Variants in DDX3X observed in about 807,000 individuals in gnomAD.
The protein encoded by DDX3X is DEAD-box helicase 3 X-linked, also known as ATP-dependent RNA helicase DDX3X.
DDX3X carries 4 observed loss-of-function variants against 52.7 expected under a neutral mutation model. That is an observed-to-expected ratio of 0.08 (90% CI 0.04 to 0.17). The LOEUF is 0.17. Among genes scored for constraint, DDX3X ranks in the 10% least tolerant of loss-of-function variants. The probability of loss-of-function intolerance (pLI) is 1.00; values close to 1 mark genes in which losing one functional copy is unlikely to be tolerated. For synonymous variants in DDX3X, 192 were observed against 178.1 expected, an observed-to-expected ratio of 1.08 and a Z score of -0.62; for missense variants, 222 against 548.6, an observed-to-expected ratio of 0.40 and a Z score of 5.95.
chrX:41,341,181 C>T (rs755977972), intron 3 of DDX3X: 6 of 192,506 alleles, frequency 3.1e-5, no homozygotes, highest in African/African-American at 1.5e-4. Context: ...GACGGGGTTT[C>T]TCCATGTTGG....
At position 41,349,648 on chromosome X, in the gene DDX3X, A is replaced by G. The variant is rs1403287060; in HGVS notation, c.*1929A>G. On this transcript the variant is annotated 3_prime_UTR_variant, in exon 17 of 17. Transcript: ENST00000644876. ...TGAATGTCACCGTATGCGTGAAATT[A>G]TATATTTCGGGGTAGTGTGAGCTTT... The G allele has an allele frequency of 8.9e-6, 1 of 112,347 alleles. No individual in the cohort carries two copies. Among genetic ancestry groups the G allele is most frequent in the Non-Finnish European group, 1.9e-5 (1 of 53,277 alleles). The allele number at this position is 112,347 out of a possible 1,213,427, so 9.3% of individuals were successfully genotyped here.
chrX:41,362,337 C>A (rs771576046), intron 5 of DDX3X, among the ~76,000 whole-genome samples: 41 of 110,930 alleles, frequency 3.7e-4, no homozygotes, highest in African/African-American at 1.1e-3. Context: ...AATCTGCCCG[C>A]CTTGGCCCCT....
Position 41,345,418 on chromosome X carries a change from T to C in DDX3X, c.1185T>C (p.Asp395=). The C allele has an allele frequency of 8.3e-7, 1 of 1,203,498 alleles. No individual in the cohort carries two copies. Among genetic ancestry groups the C allele is most frequent in the Non-Finnish European group, 1.1e-6 (1 of 893,117 alleles). ...FPKEIQMLAR[D]FLDEYIFLAV... ...TTTTCTTTCAGATGCTGGCTCGTGA[T>C]TTCTTAGATGAATATATCTTCTTGG... The change falls in exon 12 of 17, where the codon GAT becomes GAC. Residue 395 remains aspartate (D), a synonymous_variant. Coordinates refer to ENST00000644876, the MANE Select transcript of DDX3X (RefSeq NM_001356.5).
At chrX:41,342,946 AT>A (rs2147351122) in intron 6 of DDX3X, 110 bp downstream of exon 6, 6 of 666,479 alleles carry the variant, frequency 9.0e-6, no homozygotes, top group Admixed American at 3.3e-5. Context: ...GGCTTCATAG[AT>A]TTGTGGAAAA....
In DDX3X at chrX:41,345,562, T is replaced by G; in HGVS notation, c.1315+14T>G. 1 of 1,184,538 alleles carries G rather than the reference T, an allele frequency of 8.4e-7. No homozygotes were observed. Among genetic ancestry groups the G allele is most frequent in the Non-Finnish European group, 1.1e-6 (1 of 878,111 alleles). ...TAAATGCAACAGGTAACATTATGAA[T>G]TTTTTATTTTATTAGACATGGGGGT... On this transcript the variant is annotated intron_variant, in intron 12 of 16. Transcript: ENST00000644876.
At chrX:41,350,838 C>T (rs1347261653), downstream of DDX3X, 1 of 111,739 alleles carries the variant, frequency 8.9e-6, no homozygotes, top group African/African-American at 3.3e-5. Flanking sequence ...TGTATAGGTG[C>T]TTGGTTAGAT....
intron 4 of DDX3X, chrX:41,341,902 G>A: frequency 4.0e-6 from 1 of 249,056 alleles, no homozygotes; most frequent in Non-Finnish European, 7.2e-6. Context: ...GGATTTTTGT[G>A]GACTCTATAA....
At chrX:41,359,019 G>A (rs1402621957) in intron 5 of DDX3X, among the ~76,000 whole-genome samples, 1 of 112,286 alleles carries the variant, frequency 8.9e-6, no homozygotes, top group Non-Finnish European at 1.9e-5. Context: ...GCCTTCCAAA[G>A]TGCTAGGATC....
Position 41,334,478 on chromosome X carries a change from G to A in DDX3X, c.45+181G>A, listed in dbSNP as rs983347311. The A allele has an allele frequency of 3.6e-6, 4 of 1,098,462 alleles. No homozygotes were observed. The Admixed American group carries it at 1.3e-4, about 36-fold the overall frequency. 90.5% of individuals were successfully genotyped at this position (1,098,462 alleles called of 1,213,427 possible). ...GAATGTTGGTTGGGGCTGTCGCCCGGGCCCGGTCTCGGCCCGCTGTATTGT... is the reference window on the plus strand; with the variant it reads ...GAATGTTGGTTGGGGCTGTCGCCCGAGCCCGGTCTCGGCCCGCTGTATTGT... On this transcript the variant is annotated intron_variant, in intron 1 of 16. Transcript: ENST00000644876.
chrX:41,341,046 C>T (rs995947517), intron 3 of DDX3X: 10 of 204,952 alleles, frequency 4.9e-5, no homozygotes, highest in South Asian at 5.9e-4. Flanking sequence ...AGTGCAGTGG[C>T]GCAATCTTGG....
chrX:41,343,387 C>T (rs2063877704), intron 7 of DDX3X, 36 bp downstream of exon 7: 2 of 1,153,032 alleles, frequency 1.7e-6, no homozygotes, highest in African/African-American at 1.8e-5. Context: ...CATCATATTT[C>T]TTCTGTAAAG....
chrX:41,345,602 C>T (rs2063912943), intron 12 of DDX3X, 54 bp downstream of exon 12: 3 of 1,028,986 alleles, frequency 2.9e-6, no homozygotes, highest in Middle Eastern at 3.3e-4. Context: ...CTTTGTTGCC[C>T]AGGCTGGAGT....
At chrX:41,341,019 CTT>C (rs1247682127) in intron 3 of DDX3X, 3 of 227,828 alleles carry the variant, frequency 1.3e-5, no homozygotes, top group South Asian at 2.8e-4. Flanking sequence ...GTGTTTCACT[CTT>C]GTTTCCCGTG....
chrX:41,343,974 A>G (rs75228950), intron 8 of DDX3X, 56 bp from the exon 9 acceptor site: 1 of 1,062,180 alleles, frequency 9.4e-7, no homozygotes, highest in African/African-American at 1.9e-5. Context: ...TTATGTTGTG[A>G]TGAACTTTTC....
rs1284281935 is a variant in DDX3X, at chrX:41,349,107, C to T, written c.*1388C>T. ...AAAACGCTCCATCTTTTTACAGTGGCATAGGAAGACGGCAAAAATTTCCTA... is the reference window on the plus strand; with the variant it reads ...AAAACGCTCCATCTTTTTACAGTGGTATAGGAAGACGGCAAAAATTTCCTA... On this transcript the variant is annotated 3_prime_UTR_variant, in exon 17 of 17. Coordinates refer to ENST00000644876, the MANE Select transcript of DDX3X (RefSeq NM_001356.5). The T allele has an allele frequency of 5.4e-5, 6 of 112,085 alleles. No homozygotes were observed. Among genetic ancestry groups the T allele is most frequent in the Non-Finnish European group, 1.1e-4 (6 of 53,201 alleles). The allele number at this position is 112,085 out of a possible 1,213,427, so 9.2% of individuals were successfully genotyped here. A position where few individuals can be genotyped will look rare whatever the true frequency, so the allele number is the denominator to read the frequency against.
At chrX:41,345,727 C>T (rs758691684) in intron 12 of DDX3X, 179 bp downstream of exon 12, 4 of 426,820 alleles carry the variant, frequency 9.4e-6, no homozygotes, top group Non-Finnish European at 1.6e-5. Context: ...TGCTCCCTTG[C>T]TTCCGGGAGG....
intron 2 of DDX3X, chrX:41,338,833 A>C (rs2063807201): frequency 1.3e-5 from 2 of 148,415 alleles, no homozygotes; most frequent in South Asian, 6.7e-4. Flanking sequence ...TTTTTTATCA[A>C]ACTCCTTTCA....
At chrX:41,345,998 C>T (rs1459118716) in intron 12 of DDX3X, 13 of 383,346 alleles carry the variant, frequency 3.4e-5, no homozygotes, top group Admixed American at 9.9e-5. Flanking sequence ...ATTGCACCTG[C>T]GAATGGCCAG....
intron 1 of DDX3X, chrX:41,336,870 C>T (rs2063778889): frequency 8.8e-6 from 1 of 114,081 alleles, no homozygotes; most frequent in African/African-American, 3.2e-5. Flanking sequence ...ACTAAAAATA[C>T]TTGGGCAATA....
Sources: allele counts gnomAD v4.1 joint callset (sites outside exome capture counted in the v4.1 genomes callset), GRCh38; gene constraint gnomAD v4.1.1; transcripts MANE v1.5; gene names NCBI Gene and HGNC (gene_info 2026-07-23, HGNC 2026-07-21).